The following GUCY1A2 variants were observed in gnomAD, a reference collection of about 807,000 sequenced individuals.
GUCY1A2 encodes the protein guanylate cyclase soluble subunit alpha-2.
A neutral mutation model predicts 63.5 loss-of-function variants in GUCY1A2; 27 were observed. That is an observed-to-expected ratio of 0.43 (90% CI 0.31 to 0.59). The LOEUF (loss-of-function observed/expected upper bound fraction) is 0.59, where lower values mean the gene tolerates loss of function less well. Ranked by LOEUF, GUCY1A2 falls within the 20% of genes least tolerant of loss-of-function variation. The pLI, the probability that GUCY1A2 is intolerant of heterozygous loss-of-function variation, is 0.11. For synonymous variants in GUCY1A2, 364 were observed against 343.5 expected (o/e 1.06, Z -0.66); for missense variants, 768 against 913.3 (o/e 0.84, Z 2.05).
intron 4 of GUCY1A2, among the ~76,000 whole-genome samples, chr11:106,844,258 T>C (rs1163519317): frequency 1.3e-5 from 2 of 151,898 alleles, no homozygotes; most frequent in African/African-American, 2.4e-5. Context: ...ATTCTGCTTA[T>C]ATGATTTCTC....
intron 4 of GUCY1A2, among the ~76,000 whole-genome samples, chr11:106,883,112 T>G (rs1209684020): frequency 6.6e-6 from 1 of 152,056 alleles, no homozygotes; most frequent in Non-Finnish European, 1.5e-5. Context: ...GAATTATTAT[T>G]GAAGGGAATT....
chr11:106,816,573 A>C (rs1480839401), intron 4 of GUCY1A2, among the ~76,000 whole-genome samples: 1 of 151,416 alleles, frequency 6.6e-6, no homozygotes, highest in Non-Finnish European at 1.5e-5. Context: ...AATAAACCCA[A>C]AGCAAGCAGA....
At chr11:106,953,400 T>G (rs1171173337) in intron 3 of GUCY1A2, among the ~76,000 whole-genome samples, 1 of 152,240 alleles carries the variant, frequency 6.6e-6, no homozygotes, top group Non-Finnish European at 1.5e-5. Context: ...ATAAGTTTTT[T>G]GATGTGCTGC....
intron 4 of GUCY1A2, among the ~76,000 whole-genome samples, chr11:106,899,958 C>T (rs947264312): frequency 2.0e-5 from 3 of 151,836 alleles, no homozygotes; most frequent in Non-Finnish European, 4.4e-5. Flanking sequence ...TGGTAGCAGG[C>T]GCCTGCAGTC....
At chr11:106,727,539 A>G (rs1863427779) in intron 6 of GUCY1A2, among the ~76,000 whole-genome samples, 2 of 152,322 alleles carry the variant, frequency 1.3e-5, no homozygotes, top group South Asian at 4.1e-4. Context: ...GCCCCTGAAG[A>G]ATTTTCAATC....
chr11:106,967,508 G>C (rs1861141243), intron 3 of GUCY1A2, among the ~76,000 whole-genome samples: 1 of 152,058 alleles, frequency 6.6e-6, no homozygotes, highest in African/African-American at 2.4e-5. Context: ...TTAATGACAT[G>C]GGATGAATAA....
rs1565254927 is a variant in GUCY1A2 at position 106,679,908 on chromosome 11, AG to A, written c.*7640del. 9 of 218,740 alleles carry A rather than the reference AG, an allele frequency of 4.1e-5. No individual in the cohort carries two copies. The East Asian group carries it at 6.0e-4, about 15-fold the overall frequency. The allele number at this position is 218,740 out of a possible 1,614,324, so 13.5% of individuals were successfully genotyped here. A position where few individuals can be genotyped will look rare whatever the true frequency, so the allele number is the denominator to read the frequency against. ...TTCACTGAGATGTGCAGCTGCCGAGAGGTTGGCACTACCTCCTAGGAAAACT... is the reference window on the plus strand; with the variant it reads ...TTCACTGAGATGTGCAGCTGCCGAGAGTTGGCACTACCTCCTAGGAAAACT... On this transcript the variant is annotated 3_prime_UTR_variant, in exon 8 of 8. Coordinates refer to ENST00000526355, the MANE Select transcript of GUCY1A2 (RefSeq NM_000855.3).
chr11:106,847,685 T>C (rs1859294898), intron 4 of GUCY1A2, among the ~76,000 whole-genome samples: 1 of 151,644 alleles, frequency 6.6e-6, no homozygotes, highest in Admixed American at 6.6e-5. Context: ...AATTTGAGTC[T>C]GTAGAGGCTG....
chr11:106,810,507 G>C (rs1858749177), intron 4 of GUCY1A2, 29 bp from the exon 5 acceptor site: 1 of 1,544,832 alleles, frequency 6.5e-7, no homozygotes, highest in Non-Finnish European at 8.7e-7. Context: ...ATTTTGATCA[G>C]TACTCTTCAC....
chr11:106,756,547 G>A (rs1045261114), intron 6 of GUCY1A2, among the ~76,000 whole-genome samples: 16 of 152,150 alleles, frequency 1.1e-4, no homozygotes, highest in Admixed American at 1.0e-3. Context: ...GCCTGGTGGT[G>A]ACAAAATCTC....
chr11:106,818,539 C>T (rs1858860486), intron 4 of GUCY1A2, among the ~76,000 whole-genome samples: 1 of 152,002 alleles, frequency 6.6e-6, no homozygotes, highest in Non-Finnish European at 1.5e-5. Context: ...TGAAATTAGA[C>T]CAATGAATAA....
chr11:107,010,730 C>CT lies in GUCY1A2; in HGVS notation c.303+7022dup, dbSNP rs200333677. On this transcript the variant is annotated intron_variant, in intron 1 of 7. Coordinates refer to ENST00000526355, the MANE Select transcript of GUCY1A2 (RefSeq NM_000855.3). ...AACATGTATTTACTTCTCCTGAGCA[C>CT]TTTTTTTTTACTTTTTTTGAGATGG... Among the ~76,000 whole-genome samples the CT allele has an allele frequency of 6.2e-3, 933 of 151,168 alleles. 7 individuals are homozygous for CT. The highest frequency in any genetic ancestry group is 0.021 in the African/African-American group (873 of 41,222).
intron 4 of GUCY1A2, among the ~76,000 whole-genome samples, chr11:106,814,697 A>C (rs886235450): frequency 2.6e-5 from 4 of 152,088 alleles, no homozygotes; most frequent in African/African-American, 9.7e-5. Context: ...AAATAAACCA[A>C]GATGAAAATA....
chr11:106,828,048 C>T (rs1858998621), intron 4 of GUCY1A2, among the ~76,000 whole-genome samples: 1 of 152,084 alleles, frequency 6.6e-6, no homozygotes, highest in African/African-American at 2.4e-5. Context: ...TAATGTAGCT[C>T]TTTATTTTTT....
chr11:106,918,398 A>C (rs1056909805), intron 4 of GUCY1A2, among the ~76,000 whole-genome samples: 7 of 145,348 alleles, frequency 4.8e-5, no homozygotes, highest in African/African-American at 1.7e-4. Flanking sequence ...TACCCAACAC[A>C]CCATTTTTTA....
chr11:106,854,749 TG>T, intron 4 of GUCY1A2, among the ~76,000 whole-genome samples: 1 of 152,178 alleles, frequency 6.6e-6, no homozygotes, highest in South Asian at 2.1e-4. Context: ...AGTCTGCCTA[TG>T]GAAGTCCTGT....
intron 6 of GUCY1A2, among the ~76,000 whole-genome samples, chr11:106,757,282 A>T (rs1411829932): frequency 1.3e-5 from 2 of 152,032 alleles, no homozygotes; most frequent in Non-Finnish European, 2.9e-5. Flanking sequence ...GCTTCCTGGC[A>T]TTGGGTGAGA....
At chr11:106,791,507 G>A (rs546078181) in intron 5 of GUCY1A2, among the ~76,000 whole-genome samples, 6 of 150,658 alleles carry the variant, frequency 4.0e-5, no homozygotes, top group East Asian at 2.0e-4. Context: ...ATGTGCACAC[G>A]TGCTTGTTGA....
At chr11:106,726,061 G>T (rs1863402449) in intron 6 of GUCY1A2, among the ~76,000 whole-genome samples, 1 of 152,104 alleles carries the variant, frequency 6.6e-6, no homozygotes, top group Non-Finnish European at 1.5e-5. Context: ...GTATAAGATT[G>T]ACTAAGTATA....
Sources: allele counts gnomAD v4.1 joint callset (sites outside exome capture counted in the v4.1 genomes callset), GRCh38; gene constraint gnomAD v4.1.1; transcripts MANE v1.5; gene names NCBI Gene and HGNC (gene_info 2026-07-23, HGNC 2026-07-21).